ZNF438: variants seen among roughly 807,000 people sequenced by gnomAD.
ZNF438 encodes the protein zinc finger protein 438.
ZNF438 carries 25 observed loss-of-function variants against 38.0 expected under a neutral mutation model. The ratio of observed to expected loss-of-function variants is 0.66; its 90% CI spans 0.48 to 0.92. ZNF438 has a LOEUF of 0.92. ZNF438 is among the 40% of genes least tolerant of loss of function. ZNF438 has a pLI of 0.00. For missense variants in ZNF438, 1,007 were observed against 999.6 expected (o/e 1.01, Z -0.10); for synonymous variants, 372 against 364.1 (o/e 1.02, Z -0.25).
exon 6 of ZNF438, chr10:30,845,519 G>A (rs1332847328): frequency 1.2e-6 from 2 of 1,613,966 alleles, no homozygotes; most frequent in Admixed American, 3.3e-5. Flanking sequence ...TTTGTAATTT[G>A]ACTTCGTCTG....
intron 1 of ZNF438, among the ~76,000 whole-genome samples, chr10:30,964,114 G>A (rs569135627): frequency 7.2e-5 from 11 of 152,204 alleles, no homozygotes; most frequent in African/African-American, 2.2e-4. Flanking sequence ...GAACAAATAA[G>A]TCACTGATGA....
chr10:30,871,953 C>T (rs974998354), intron 4 of ZNF438, among the ~76,000 whole-genome samples: 1 of 152,172 alleles, frequency 6.6e-6, no homozygotes, highest in Non-Finnish European at 1.5e-5. Flanking sequence ...AAATAACACT[C>T]ACAATTTGAA....
At chr10:30,927,179 G>T (rs1441416737) in intron 2 of ZNF438, among the ~76,000 whole-genome samples, 3 of 152,184 alleles carry the variant, frequency 2.0e-5, no homozygotes, top group Non-Finnish European at 4.4e-5. Flanking sequence ...GCTAGCACAT[G>T]TTACTAACTA....
intron 1 of ZNF438, among the ~76,000 whole-genome samples, chr10:30,983,790 C>T (rs2052481514): frequency 6.6e-6 from 1 of 152,016 alleles, no homozygotes; most frequent in African/African-American, 2.4e-5. Flanking sequence ...AATCAATAAA[C>T]TGACTTTTGT....
rs140195246 is a variant in ZNF438 at position 30,913,688 on chromosome 10, G to C, written c.-114-4673C>G. On this transcript the variant is annotated intron_variant, in intron 2 of 5. Transcript: ENST00000413025. ...TTGGAAAAGCAAGCACAGGCACAAG[G>C]GGAAGAAGAATTACTTAGGTAACAA... Among the ~76,000 whole-genome samples the C allele has an allele frequency of 1.3e-3, 193 of 152,136 alleles. 1 individual carries two copies. Among genetic ancestry groups the C allele is most frequent in the African/African-American group, 4.4e-3 (183 of 41,504 alleles).
exon 5 of ZNF438, chr10:30,849,395 T>C (rs1353158477): frequency 3.7e-6 from 6 of 1,614,136 alleles, no homozygotes; most frequent in African/African-American, 1.3e-5. Context: ...GGTGGCTGCA[T>C]TAAAGCCTTC....
In ZNF438 at chr10:30,951,277, C is replaced by T. The variant is rs1209835052; in HGVS notation, c.-191-9626G>A. ...AATAATAAGAGCTATCTATGACAAA[C>T]CCACAGCCAATATCATACTGAATGG... On this transcript the variant is annotated intron_variant, in intron 1 of 5. Coordinates refer to ENST00000413025, the Ensembl canonical transcript of ZNF438. 2.7e-5 allele frequency among the ~76,000 whole-genome samples: 4 copies of T among 150,358 alleles called. No individual in the cohort carries two copies. In the East Asian group the frequency reaches 7.8e-4, roughly 29 times the overall value.
intron 1 of ZNF438, among the ~76,000 whole-genome samples, chr10:30,978,194 A>C (rs763145451): frequency 5.9e-5 from 9 of 152,222 alleles, no homozygotes; most frequent in Non-Finnish European, 1.3e-4. Context: ...GGAAATGTAC[A>C]CCAATTCATT....
chr10:30,862,851 G>C (rs1402376487), intron 4 of ZNF438, among the ~76,000 whole-genome samples: 1 of 152,106 alleles, frequency 6.6e-6, no homozygotes. Flanking sequence ...TCAAAATGCA[G>C]GGAACCAAAA....
upstream of ZNF438, chr10:31,031,937 TCGCCC>T (rs1564375582): frequency 6.6e-6 from 1 of 151,914 alleles, no homozygotes; most frequent in Non-Finnish European, 1.5e-5. Context: ...GGCTCCGCCC[TCGCCC>T]CGCCCCGGCG....
At chr10:30,862,449 C>G (rs1021788437) in intron 4 of ZNF438, among the ~76,000 whole-genome samples, 2 of 152,070 alleles carry the variant, frequency 1.3e-5, no homozygotes, top group African/African-American at 4.8e-5. Flanking sequence ...ACAACACATG[C>G]ACACCACCCT....
At chr10:30,849,549 A>G in exon 5 of ZNF438, 1 of 1,614,252 alleles carries the variant, frequency 6.2e-7, no homozygotes, top group Non-Finnish European at 8.5e-7. Flanking sequence ...TTGGGGACTG[A>G]AGAGATCAAC....
intron 3 of ZNF438, among the ~76,000 whole-genome samples, chr10:30,902,807 C>T (rs533616829): frequency 5.3e-5 from 8 of 152,356 alleles, no homozygotes; most frequent in African/African-American, 1.9e-4. Flanking sequence ...GCAGTGTGCC[C>T]GCACTCCTCA....
At chr10:31,009,448 A>G (rs973807119) in intron 1 of ZNF438, among the ~76,000 whole-genome samples, 2 of 152,228 alleles carry the variant, frequency 1.3e-5, no homozygotes, top group Non-Finnish European at 2.9e-5. Context: ...GCTATCCTCT[A>G]TCTATTATAC....
chr10:30,864,882 T>TA (rs2036171758), intron 4 of ZNF438, among the ~76,000 whole-genome samples: 1 of 152,188 alleles, frequency 6.6e-6, no homozygotes, highest in Admixed American at 6.5e-5. Context: ...AGTCAGAAGT[T>TA]AGACTGAATG....
At chr10:31,018,301 CCCTTT>C (rs1462424339) in intron 1 of ZNF438, among the ~76,000 whole-genome samples, 1 of 152,188 alleles carries the variant, frequency 6.6e-6, no homozygotes, top group Non-Finnish European at 1.5e-5. Context: ...AAACTATACT[CCCTTT>C]CAACTCTAAT....
intron 1 of ZNF438, among the ~76,000 whole-genome samples, chr10:31,004,655 G>A (rs898235143): frequency 6.6e-6 from 1 of 152,184 alleles, no homozygotes. Context: ...AAAACTGGCA[G>A]GTAGTTGAGC....
At chr10:31,015,794 C>A (rs554808898) in intron 1 of ZNF438, among the ~76,000 whole-genome samples, 1 of 152,352 alleles carries the variant, frequency 6.6e-6, no homozygotes, top group East Asian at 1.9e-4. Context: ...GATCATGGCG[C>A]TGGCATTGTC....
exon 6 of ZNF438, chr10:30,845,497 G>A (rs146555674): frequency 3.2e-5 from 52 of 1,614,042 alleles, no homozygotes; most frequent in Non-Finnish European, 4.2e-5. Flanking sequence ...ATCTGACAAC[G>A]ACCACATTTG....
Sources: gnomAD v4.1 joint callset for allele counts (sites outside exome capture counted in the v4.1 genomes callset) on GRCh38, gnomAD v4.1.1 for gene constraint, MANE v1.5 for transcripts, NCBI Gene and HGNC (gene_info 2026-07-23, HGNC 2026-07-21) for gene names.